ARHGAP22: variants seen among roughly 807,000 people sequenced by gnomAD.
ARHGAP22 encodes the protein Rho GTPase activating protein 22, also known as rho GTPase-activating protein 22.
ARHGAP22 carries 48 observed loss-of-function variants against 59.1 expected under a neutral mutation model. The observed-to-expected ratio is 0.81, with a 90% CI of 0.64 to 1.03. The LOEUF (loss-of-function observed/expected upper bound fraction) is 1.03, where lower values mean the gene tolerates loss of function less well. Among genes scored for constraint, ARHGAP22 ranks in the 50% least tolerant of loss-of-function variants. The probability of loss-of-function intolerance (pLI) is 0.00; values close to 1 mark genes in which losing one functional copy is unlikely to be tolerated. For missense variants in ARHGAP22, 1,015 were observed against 958.7 expected (o/e 1.06, Z -0.78); for synonymous variants, 445 against 416.4 (o/e 1.07, Z -0.84).
chr10:48,519,835 A>C (rs1449207179), intron 3 of ARHGAP22, among the ~76,000 whole-genome samples: 4 of 152,162 alleles, frequency 2.6e-5, no homozygotes, highest in Non-Finnish European at 5.9e-5. Flanking sequence ...AGTGCCAGCA[A>C]GGCTGGGAAG....
intron 3 of ARHGAP22, among the ~76,000 whole-genome samples, chr10:48,507,765 G>A (rs907228340): frequency 1.3e-5 from 2 of 152,018 alleles, no homozygotes; most frequent in Non-Finnish European, 1.5e-5. Context: ...AAGTGGGGGC[G>A]GCCACAGGCT....
At chr10:48,534,817 C>T (rs2055196746) in intron 3 of ARHGAP22, among the ~76,000 whole-genome samples, 1 of 152,216 alleles carries the variant, frequency 6.6e-6, no homozygotes, top group South Asian at 2.1e-4. Context: ...TTACTTCTCA[C>T]TTTTACTATG....
At chr10:48,552,846 A>G (rs578136046) in intron 3 of ARHGAP22, among the ~76,000 whole-genome samples, 1 of 152,332 alleles carries the variant, frequency 6.6e-6, no homozygotes, top group African/African-American at 2.4e-5. Flanking sequence ...AACATGGCCT[A>G]TAGCTGAAGC....
chr10:48,626,051 CTG>C lies in ARHGAP22; in HGVS notation c.52+26181_52+26182del, dbSNP rs1243664643. Among the ~76,000 whole-genome samples the C allele has an allele frequency of 7.2e-5, 11 of 152,300 alleles. No individual in the cohort carries two copies. In the South Asian group the frequency reaches 1.9e-3, roughly 26 times the overall value. ...CCATGTCCCTTCTTTGGTAGACTGA[CTG>C]TAAAAGTCTCCATGAGAGACATGTG... On this transcript the variant is annotated intron_variant, in intron 1 of 9. Transcript: ENST00000435790.
chr10:48,518,630 T>C (rs2053525015), intron 3 of ARHGAP22, among the ~76,000 whole-genome samples: 1 of 152,124 alleles, frequency 6.6e-6, no homozygotes. Flanking sequence ...CAGCAGCGTA[T>C]GGCACTGAGA....
In ARHGAP22 at chr10:48,583,066, C is replaced by G; in HGVS notation, c.121G>C (p.Ala41Pro). The stretch of plus-strand genomic sequence containing the variant: ...CTCCTCTGCTTCTTCAGCCAGCCCG[C>G]CTTCAGCACGGGGCCCAGCCTGTGA... Reference protein sequence around the residue: ...CPHRLGPVLKAGWLKKQRSIM... With the variant: ...CPHRLGPVLKPGWLKKQRSIM... Residue 41 changes from alanine to proline, a missense_variant, in exon 2 of 10, where the codon GCG (alanine) becomes CCG (proline). Ala to Pro is a conservative substitution (Grantham distance 27, BLOSUM62 -1). Coordinates refer to ENST00000249601, the MANE Select transcript of ARHGAP22 (RefSeq NM_021226.4). 1 of 1,614,290 alleles carries G rather than the reference C, an allele frequency of 6.2e-7. No homozygotes were observed. The highest frequency in any genetic ancestry group is 1.1e-5 in the South Asian group (1 of 91,090).
intron 3 of ARHGAP22, among the ~76,000 whole-genome samples, chr10:48,532,256 T>G (rs2054917071): frequency 6.6e-6 from 1 of 152,072 alleles, no homozygotes; most frequent in African/African-American, 2.4e-5. Context: ...ACACTGCTGG[T>G]CACCTTCTTA....
the ARHGAP22 span, among the ~76,000 whole-genome samples, chr10:48,440,406 C>T: frequency 2.0e-5 from 3 of 152,128 alleles, no homozygotes; most frequent in Admixed American, 6.5e-5. Flanking sequence ...AAATAGAAAA[C>T]GGATGACAAG....
the ARHGAP22 span, chr10:48,438,450 C>G: frequency 1.3e-5 from 2 of 152,254 alleles, no homozygotes; most frequent in Non-Finnish European, 2.9e-5. Context: ...TAATTTCAAA[C>G]TGACTGCTCT....
chr10:48,582,979 T>C lies in ARHGAP22; in HGVS notation c.208A>G (p.Lys70Glu), dbSNP rs771004436. 4.8e-5 allele frequency: 77 copies of C among 1,614,068 alleles called. No individual in the cohort carries two copies. Among genetic ancestry groups the C allele is most frequent in the Non-Finnish European group, 6.4e-5 (75 of 1,180,032 alleles). Reference sequence around the variant, plus strand: ...TGGGGCTTGATCTCATCTTTGTCCTTGTAGTAGAAAAGCTGATCCCCACGC... The same window carrying C: ...TGGGGCTTGATCTCATCTTTGTCCTCGTAGTAGAAAAGCTGATCCCCACGC... Reference protein sequence around the residue: ...VLRGDQLFYYKDKDEIKPQGF... With the variant: ...VLRGDQLFYYEDKDEIKPQGF... Residue 70 changes from lysine (K) to glutamate (E), a missense_variant, in exon 2 of 10, where the codon AAG (lysine) becomes GAG (glutamate). By Grantham distance (56) the Lys-to-Glu change is moderately conservative. Transcript: ENST00000249601.
intron 2 of ARHGAP22, among the ~76,000 whole-genome samples, chr10:48,569,656 T>C (rs2058274249): frequency 6.6e-6 from 1 of 152,224 alleles, no homozygotes; most frequent in South Asian, 2.1e-4. Flanking sequence ...GTGAGACCTT[T>C]AAGTGCTGTA....
At chr10:48,549,500 C>T (rs539973835) in intron 3 of ARHGAP22, among the ~76,000 whole-genome samples, 1 of 152,128 alleles carries the variant, frequency 6.6e-6, no homozygotes, top group Non-Finnish European at 1.5e-5. Context: ...GGCAGGGTGA[C>T]CAGTCTAGGG....
intron 1 of ARHGAP22, among the ~76,000 whole-genome samples, chr10:48,597,064 C>A (rs1792817090): frequency 6.6e-6 from 1 of 152,142 alleles, no homozygotes; most frequent in South Asian, 2.1e-4. Flanking sequence ...TATGAAGACC[C>A]CTCTGGTAGG....
At chr10:48,530,297 C>T (rs2054716445) in intron 3 of ARHGAP22, among the ~76,000 whole-genome samples, 1 of 144,562 alleles carries the variant, frequency 6.9e-6, no homozygotes, top group Non-Finnish European at 1.5e-5. Flanking sequence ...AAACCTAAGA[C>T]CTGAAACTGT....
intron 1 of ARHGAP22, among the ~76,000 whole-genome samples, chr10:48,637,222 G>A (rs1013779118): frequency 6.6e-6 from 1 of 152,322 alleles, no homozygotes; most frequent in South Asian, 2.1e-4. Context: ...GTGTCGAGGT[G>A]GGGGGCAAGG....
At chr10:48,646,211 T>C (rs1397677404) in intron 1 of ARHGAP22, among the ~76,000 whole-genome samples, 3 of 152,206 alleles carry the variant, frequency 2.0e-5, no homozygotes, top group Non-Finnish European at 4.4e-5. Flanking sequence ...AGAAGTACAT[T>C]TCTTTCTCAT....
Position 48,564,615 on chromosome 10 carries a change from T to C in ARHGAP22, c.235-9065A>G, listed in dbSNP as rs187767880. ...TCATGCAGCACTGCCCATGCCCTAC[T>C]CACGGGCTGCTGCCATCTGACTACC... On this transcript the variant is annotated intron_variant, in intron 2 of 9. Transcript: ENST00000249601. Among the ~76,000 whole-genome samples, 101 of 152,338 alleles carry C rather than the reference T, an allele frequency of 6.6e-4. No individual in the cohort carries two copies. In the South Asian group the frequency reaches 0.011, roughly 16 times the overall value.
intron 1 of ARHGAP22, among the ~76,000 whole-genome samples, chr10:48,614,451 C>T (rs77866537): frequency 2.0e-5 from 3 of 152,106 alleles, no homozygotes; most frequent in Non-Finnish European, 4.4e-5. Context: ...CCCAAATCCC[C>T]TTATGAAAAA....
At chr10:48,459,267 C>G (rs1782446506) in intron 5 of ARHGAP22, among the ~76,000 whole-genome samples, 1 of 152,190 alleles carries the variant, frequency 6.6e-6, no homozygotes, top group South Asian at 2.1e-4. Flanking sequence ...AGGAGGGGAG[C>G]CGAGCTGCTG....
Sources: allele counts gnomAD v4.1 joint callset (sites outside exome capture counted in the v4.1 genomes callset), GRCh38; gene constraint gnomAD v4.1.1; transcripts MANE v1.5; gene names NCBI Gene and HGNC (gene_info 2026-07-23, HGNC 2026-07-21).